Variants in RSPO2 observed in about 807,000 individuals in gnomAD.
RSPO2 encodes the protein R-spondin 2.
RSPO2 carries 14 observed loss-of-function variants against 30.9 expected under a neutral mutation model. The observed-to-expected ratio is 0.45, with a 90% CI of 0.30 to 0.71. The LOEUF is 0.71. Among genes scored for constraint, RSPO2 ranks in the 30% least tolerant of loss-of-function variants. RSPO2 has a pLI of 0.08. For synonymous variants in RSPO2, 107 were observed against 96.4 expected (o/e 1.11, Z -0.64); for missense variants, 264 against 301.9 (o/e 0.87, Z 0.93).
chr8:108,016,384 T>A lies in RSPO2; in HGVS notation c.95-27140A>T, dbSNP rs546995643. Among the ~76,000 whole-genome samples, 7 of 152,310 alleles carry A rather than the reference T, an allele frequency of 4.6e-5. No individual in the cohort carries two copies. The East Asian group carries it at 1.4e-3, about 29-fold the overall frequency. On this transcript the variant is annotated intron_variant, in intron 2 of 5. Transcript: ENST00000276659. ...CCAAGTAAACGTCTGTGAAGCAGGCTATAAAGCAGCCAGACTAGACTGCTG... is the reference window on the plus strand; with the variant it reads ...CCAAGTAAACGTCTGTGAAGCAGGCAATAAAGCAGCCAGACTAGACTGCTG...
intron 2 of RSPO2, among the ~76,000 whole-genome samples, chr8:108,014,855 A>AAG (rs1300476551): frequency 6.6e-6 from 1 of 151,900 alleles, no homozygotes; most frequent in Non-Finnish European, 1.5e-5. Context: ...AAAAAAAAAA[A>AAG]AAAGAAAAAA....
chr8:107,978,336 A>G (rs1220562576), intron 3 of RSPO2, among the ~76,000 whole-genome samples: 1 of 152,164 alleles, frequency 6.6e-6, no homozygotes, highest in East Asian at 1.9e-4. Context: ...CCGAGGCAGG[A>G]GAATTGATTG....
rs370217308 is a variant in RSPO2 at position 108,057,314 on chromosome 8, G to T, written c.94+25231C>A. On this transcript the variant is annotated intron_variant, in intron 2 of 5. Transcript: ENST00000276659. Reference sequence around the variant, plus strand: ...TTTATGTAGAAGGGAAAAACATCTGGAAGGATAAAATGCAAAATGTTAACA... The same window carrying T: ...TTTATGTAGAAGGGAAAAACATCTGTAAGGATAAAATGCAAAATGTTAACA... Among the ~76,000 whole-genome samples, 521 of 152,104 alleles carry T rather than the reference G, an allele frequency of 3.4e-3. 3 individuals are homozygous for T. Among genetic ancestry groups the T allele is most frequent in the African/African-American group, 0.012 (505 of 41,512 alleles).
At chr8:107,969,976 T>C (rs556079750) in intron 3 of RSPO2, among the ~76,000 whole-genome samples, 1 of 152,174 alleles carries the variant, frequency 6.6e-6, no homozygotes, top group Non-Finnish European at 1.5e-5. Flanking sequence ...CCCAACTAAA[T>C]GGAAAAGCAT....
intron 3 of RSPO2, among the ~76,000 whole-genome samples, chr8:107,962,823 A>G (rs969221719): frequency 6.6e-6 from 1 of 152,192 alleles, no homozygotes; most frequent in East Asian, 1.9e-4. Flanking sequence ...AGAGAAAAAG[A>G]GGACTTTACA....
chr8:107,965,454 C>A (rs1206005411), intron 3 of RSPO2, among the ~76,000 whole-genome samples: 1 of 152,168 alleles, frequency 6.6e-6, no homozygotes, highest in African/African-American at 2.4e-5. Flanking sequence ...TCATTCTCAA[C>A]ATTCTCCAGG....
intron 5 of RSPO2, among the ~76,000 whole-genome samples, chr8:107,924,687 A>G (rs1207954450): frequency 6.6e-6 from 1 of 152,070 alleles, no homozygotes; most frequent in Non-Finnish European, 1.5e-5. Flanking sequence ...AAAAGAGACC[A>G]TACCCATACA....
At chr8:108,046,107 T>C (rs1428927308) in intron 2 of RSPO2, among the ~76,000 whole-genome samples, 1 of 152,200 alleles carries the variant, frequency 6.6e-6, no homozygotes, top group East Asian at 1.9e-4. Flanking sequence ...TGATAGCTGC[T>C]GCTGCTTGAA....
At chr8:107,990,246 T>C (rs533911300) in intron 2 of RSPO2, among the ~76,000 whole-genome samples, 7 of 152,194 alleles carry the variant, frequency 4.6e-5, no homozygotes, top group African/African-American at 1.4e-4. Context: ...GTACTAAGCA[T>C]GTAAGAAAAA....
intron 3 of RSPO2, among the ~76,000 whole-genome samples, chr8:107,966,633 T>C (rs1813817378): frequency 1.3e-5 from 2 of 152,276 alleles, no homozygotes; most frequent in South Asian, 4.1e-4. Flanking sequence ...CATGCAACTA[T>C]CCTCTCTTCC....
chr8:108,046,984 G>T (rs1027239633), intron 2 of RSPO2, among the ~76,000 whole-genome samples: 27 of 152,104 alleles, frequency 1.8e-4, no homozygotes, highest in African/African-American at 4.8e-4. Flanking sequence ...GTCAAGAAAG[G>T]TTAAAGAGAG....
At chr8:108,026,428 T>C (rs1026471315) in intron 2 of RSPO2, among the ~76,000 whole-genome samples, 1 of 152,238 alleles carries the variant, frequency 6.6e-6, no homozygotes, top group East Asian at 1.9e-4. Context: ...GCTAGTTTCC[T>C]TATTTTAATA....
At chr8:107,983,768 T>C in intron 3 of RSPO2, 1 of 1,598,702 alleles carries the variant, frequency 6.3e-7, no homozygotes, top group Non-Finnish European at 8.5e-7. Flanking sequence ...TGGATGTAGA[T>C]GCTGATTTTG....
chr8:108,056,594 G>A (rs1385402313), intron 2 of RSPO2, among the ~76,000 whole-genome samples: 1 of 129,276 alleles, frequency 7.7e-6, no homozygotes, highest in Non-Finnish European at 1.5e-5. Flanking sequence ...CTGCACTCCA[G>A]CCTGGGTGAC....
intron 2 of RSPO2, among the ~76,000 whole-genome samples, chr8:108,038,292 G>A (rs1811656693): frequency 6.6e-6 from 1 of 152,170 alleles, no homozygotes; most frequent in Admixed American, 6.5e-5. Context: ...AGTGAAGCCT[G>A]AAGATGTGAC....
chr8:108,006,878 A>C (rs1482518748), intron 2 of RSPO2, among the ~76,000 whole-genome samples: 1 of 152,212 alleles, frequency 6.6e-6, no homozygotes, highest in Non-Finnish European at 1.5e-5. Flanking sequence ...CTAAAGGTAG[A>C]GATGAAAAGG....
intron 3 of RSPO2, among the ~76,000 whole-genome samples, chr8:107,977,072 G>T (rs984161020): frequency 6.6e-6 from 1 of 152,196 alleles, no homozygotes; most frequent in African/African-American, 2.4e-5. Flanking sequence ...TGTCCCAAAA[G>T]CCAGCATATT....
chr8:108,033,465 G>A (rs990696801), intron 2 of RSPO2, among the ~76,000 whole-genome samples: 4 of 152,060 alleles, frequency 2.6e-5, no homozygotes, highest in Non-Finnish European at 2.9e-5. Context: ...TCATCCCTCC[G>A]TGTAAGATAA....
intron 4 of RSPO2, among the ~76,000 whole-genome samples, chr8:107,959,367 A>C (rs1228982463): frequency 1.3e-5 from 2 of 152,208 alleles, no homozygotes; most frequent in African/African-American, 4.8e-5. Flanking sequence ...AGTGGAAAAT[A>C]GGCTACCCCC....
Sources: allele counts gnomAD v4.1 joint callset (sites outside exome capture counted in the v4.1 genomes callset), GRCh38; gene constraint gnomAD v4.1.1; transcripts MANE v1.5; gene names NCBI Gene and HGNC (gene_info 2026-07-23, HGNC 2026-07-21).